ERGIC3: variants seen among roughly 807,000 people sequenced by gnomAD.
ERGIC3 encodes endoplasmic reticulum-Golgi intermediate compartment protein 3.
A neutral mutation model predicts 54.7 loss-of-function variants in ERGIC3; 33 were observed. The ratio of observed to expected loss-of-function variants is 0.60; its 90% confidence interval spans 0.46 to 0.81. The LOEUF (loss-of-function observed/expected upper bound fraction) is 0.81. Among genes scored for constraint, ERGIC3 ranks in the 30% least tolerant of loss-of-function variants. The pLI is 0.00. For missense variants in ERGIC3, 399 were observed against 488.4 expected (o/e 0.82, Z 1.73); for synonymous variants, 186 against 189.8 (o/e 0.98, Z 0.16).
intron 7 of ERGIC3, chr20:35,554,400 C>G: frequency 6.2e-7 from 1 of 1,614,098 alleles, no homozygotes; most frequent in Non-Finnish European, 8.5e-7. Flanking sequence ...AGTGGCCCTG[C>G]CCCCATGGAG....
intron 7 of ERGIC3, among the ~76,000 whole-genome samples, chr20:35,550,491 C>T (rs916597218): frequency 6.6e-6 from 1 of 152,278 alleles, no homozygotes; most frequent in South Asian, 2.1e-4. Context: ...TGGCACACGC[C>T]TGTAATCCCA....
At chr20:35,549,386 A>G (rs2064669706) in intron 7 of ERGIC3, 1 of 371,694 alleles carries the variant, frequency 2.7e-6, no homozygotes, top group Non-Finnish European at 5.5e-6. Flanking sequence ...ACCCACTCAC[A>G]GGGCTGTTGG....
At chr20:35,548,785 A>G (rs1168538884) in intron 6 of ERGIC3, 23 bp from the exon 7 acceptor site, 3 of 1,614,204 alleles carry the variant, frequency 1.9e-6, no homozygotes, top group Non-Finnish European at 2.5e-6. Context: ...CAGCCAGTGA[A>G]TGAGAGAGAA....
chr20:35,547,358 C>T (rs1361979924), intron 4 of ERGIC3, 54 bp from the exon 5 acceptor site: 12 of 1,425,036 alleles, frequency 8.4e-6, no homozygotes, highest in Admixed American at 5.0e-5. Flanking sequence ...CTGGAGCCAC[C>T]GATTTCACTG....
At chr20:35,552,706 T>C (rs995143223) in intron 7 of ERGIC3, among the ~76,000 whole-genome samples, 2 of 152,022 alleles carry the variant, frequency 1.3e-5, no homozygotes, top group Admixed American at 6.6e-5. Flanking sequence ...TTGCTTGAAA[T>C]TGAAGTCACA....
At chr20:35,542,240 C>T in intron 1 of ERGIC3, 55 bp downstream of exon 1, 1 of 1,607,732 alleles carries the variant, frequency 6.2e-7, no homozygotes, top group East Asian at 2.2e-5. Context: ...GAGCTTAGCC[C>T]GGGCTCCTGG....
chr20:35,557,508 C>A lies in ERGIC3; in HGVS notation c.*4C>A. 4 of 1,613,680 alleles carry A rather than the reference C, an allele frequency of 2.5e-6. No individual in the cohort carries two copies. The highest frequency in any genetic ancestry group is 3.4e-6 in the Non-Finnish European group (4 of 1,179,674). On this transcript the variant is annotated 3_prime_UTR_variant, in exon 13 of 13. Coordinates refer to ENST00000348547, the MANE Select transcript of ERGIC3 (RefSeq NM_015966.3). ...TGATCTAGGGAAGACAACGTAGTCACCCTCGGTGCTTCCTCTGTCTCCTCT... is the reference window on the plus strand; with the variant it reads ...TGATCTAGGGAAGACAACGTAGTCAACCTCGGTGCTTCCTCTGTCTCCTCT...
rs2064664154 is a variant in ERGIC3 at position 35,548,606 on chromosome 20, T to C, written c.559T>C (p.Phe187Leu). The C allele has an allele frequency of 6.2e-7, 1 of 1,614,098 alleles. No individual in the cohort carries two copies. The highest frequency in any genetic ancestry group is 1.7e-5 in the Admixed American group (1 of 59,996). ...TATTGAGCAGTGCCGGCGAGAGGGC[T>C]TCAGCCAGAAGATGCAGGAGCAGAA... ...DTIEQCRREG[F>L]SQKMQEQKNE... The change falls in exon 6 of 13, where the codon TTC becomes CTC. Residue 187 changes from phenylalanine to leucine, a missense_variant. Transcript: ENST00000348547.
intron 7 of ERGIC3, 92 bp from the exon 8 acceptor site, chr20:35,554,952 C>A: frequency 7.0e-7 from 1 of 1,435,758 alleles, no homozygotes; most frequent in Non-Finnish European, 9.8e-7. Flanking sequence ...GCAGAGAAGA[C>A]AGGTGGTTTG....
intron 10 of ERGIC3, 158 bp downstream of exon 10, chr20:35,556,429 G>A: frequency 1.3e-6 from 1 of 756,944 alleles, no homozygotes; most frequent in South Asian, 1.6e-5. Flanking sequence ...GCCCTCCCAG[G>A]CAGAGTGCAG....
intron 4 of ERGIC3, chr20:35,543,408 G>A: frequency 2.9e-6 from 1 of 341,308 alleles, no homozygotes; most frequent in Admixed American, 3.8e-5. Flanking sequence ...CAGTCTGTGA[G>A]CTTCAGCTAG....
chr20:35,542,768 A>G (rs1362094651), intron 3 of ERGIC3, 54 bp from the exon 4 acceptor site: 1 of 1,613,392 alleles, frequency 6.2e-7, no homozygotes, highest in African/African-American at 1.3e-5. Flanking sequence ...TCCAAAACCC[A>G]CATCCCCTTG....
intron 8 of ERGIC3, among the ~76,000 whole-genome samples, chr20:35,555,383 C>T (rs904358823): frequency 3.3e-5 from 5 of 152,074 alleles, no homozygotes; most frequent in South Asian, 2.1e-4. Flanking sequence ...CTGGAGAAGT[C>T]GGCAGGGACC....
chr20:35,544,059 T>TA (rs2147302683), intron 4 of ERGIC3: 1 of 220,100 alleles, frequency 4.5e-6, no homozygotes, highest in South Asian at 7.1e-5. Flanking sequence ...TCTATCTATC[T>TA]ATCTGTCTAT....
intron 4 of ERGIC3, among the ~76,000 whole-genome samples, chr20:35,546,172 T>G (rs1047814431): frequency 1.3e-5 from 2 of 152,084 alleles, no homozygotes; most frequent in African/African-American, 2.4e-5. Context: ...ACAAAGAGAT[T>G]CCTGGAGACT....
intron 7 of ERGIC3, among the ~76,000 whole-genome samples, chr20:35,553,122 A>G (rs1048454228): frequency 1.5e-5 from 2 of 132,108 alleles, no homozygotes; most frequent in Non-Finnish European, 3.1e-5. Flanking sequence ...CTCCCACCTC[A>G]GCCTCTCAAG....
In ERGIC3 at chr20:35,542,610, T is replaced by A. The variant is rs530168531; in HGVS notation, c.247+10T>A. ...CACATGCCTTGTGCCTGTGAGTACC[T>A]CACCATGGGTGGGACTGGAGAGACC... On this transcript the variant is annotated intron_variant, in intron 3 of 12. Transcript: ENST00000348547. 1 of 1,613,774 alleles carries A rather than the reference T, an allele frequency of 6.2e-7. No individual in the cohort carries two copies. The highest frequency in any genetic ancestry group is 1.1e-5 in the South Asian group (1 of 91,078).
intron 5 of ERGIC3, among the ~76,000 whole-genome samples, chr20:35,547,753 G>A (rs928688260): frequency 4.1e-5 from 6 of 145,944 alleles, no homozygotes; most frequent in African/African-American, 1.5e-4. Flanking sequence ...TGGTTCAGAG[G>A]TGGTCTCTGG....
chr20:35,549,077 G>A, intron 7 of ERGIC3: 1 of 681,878 alleles, frequency 1.5e-6, no homozygotes, highest in South Asian at 1.5e-5. Context: ...AGACCTTACT[G>A]GCTGTGTGAC....
Sources: gnomAD v4.1 joint callset for allele counts (sites outside exome capture counted in the v4.1 genomes callset) on GRCh38, gnomAD v4.1.1 for gene constraint, MANE v1.5 for transcripts, NCBI Gene and HGNC (gene_info 2026-07-23, HGNC 2026-07-21) for gene names.